The following BTBD8 variants were observed in gnomAD, a reference collection of about 807,000 sequenced individuals.
The protein encoded by BTBD8 is BTB/POZ domain-containing protein 8.
Under a neutral mutation model 162.9 loss-of-function variants are expected in BTBD8, and 110 were observed. The ratio of observed to expected loss-of-function variants is 0.68; its 90% CI spans 0.58 to 0.79. The LOEUF (loss-of-function observed/expected upper bound fraction) is 0.79, where lower values mean the gene tolerates loss of function less well. BTBD8 is among the 30% of genes least tolerant of loss of function. BTBD8 has a pLI of 0.00. For synonymous variants in BTBD8, 667 were observed against 716.1 expected (o/e 0.93, Z 1.10); for missense variants, 1,905 against 2,085.4 (o/e 0.91, Z 1.68).
chr1:92,080,771 C>G, intron 1 of BTBD8, 51 bp downstream of exon 1: 2 of 1,565,794 alleles, frequency 1.3e-6, no homozygotes, highest in Non-Finnish European at 1.7e-6. Flanking sequence ...TCGCCCACCT[C>G]CGCCCCGAAG....
chr1:92,090,603 A>G (rs1648269922), intron 2 of BTBD8, among the ~76,000 whole-genome samples: 2 of 152,176 alleles, frequency 1.3e-5, no homozygotes, highest in African/African-American at 2.4e-5. Flanking sequence ...CACTTTCACG[A>G]TGGTATCATT....
intron 1 of BTBD8, among the ~76,000 whole-genome samples, chr1:92,083,206 G>A (rs17131601): frequency 0.027 from 4,115 of 150,856 alleles, 205 homozygotes; most frequent in African/African-American, 0.095. Context: ...ACTTTCAAAT[G>A]ACTTGCCCAG....
chr1:92,142,579 A>C (rs1325952979), intron 7 of BTBD8, among the ~76,000 whole-genome samples: 8 of 152,224 alleles, frequency 5.3e-5, no homozygotes, highest in African/African-American at 1.9e-4. Flanking sequence ...AGTTATTGTC[A>C]TACAGAGAAA....
At chr1:92,168,115 C>CT in intron 11 of BTBD8, 130 bp downstream of exon 11, 1 of 651,028 alleles carries the variant, frequency 1.5e-6, no homozygotes, top group Non-Finnish European at 2.3e-6. Flanking sequence ...ATTAAGGTCT[C>CT]TACTTTTGTA....
chr1:92,125,551 C>A, intron 4 of BTBD8: 1 of 298,024 alleles, frequency 3.4e-6, no homozygotes, highest in Non-Finnish European at 6.7e-6. Flanking sequence ...TGAAATCTCT[C>A]CTCCTCCACC....
intron 9 of BTBD8, among the ~76,000 whole-genome samples, chr1:92,162,093 A>G (rs1270796116): frequency 6.6e-6 from 1 of 151,968 alleles, no homozygotes; most frequent in Non-Finnish European, 1.5e-5. Flanking sequence ...TGCTCCATTG[A>G]TTGTATATTG....
intron 2 of BTBD8, among the ~76,000 whole-genome samples, chr1:92,093,645 A>G (rs1648374700): frequency 1.3e-5 from 2 of 152,196 alleles, no homozygotes; most frequent in African/African-American, 2.4e-5. Context: ...AAATGGGCAC[A>G]TTAATAATTC....
At position 92,133,696 on chromosome 1, in the gene BTBD8, C is replaced by T. The variant is rs548299722; in HGVS notation, c.752+3920C>T. Among the ~76,000 whole-genome samples, 8 of 152,300 alleles carry T rather than the reference C, an allele frequency of 5.3e-5. No homozygotes were observed. In the East Asian group the frequency reaches 1.5e-3, roughly 29 times the overall value. ...AGCAGAATTCTATAATCTGGCCGGG[C>T]ACAGTGGCTCACGCCTGTAATCCCA... On this transcript the variant is annotated intron_variant, in intron 5 of 17. Coordinates refer to ENST00000636805, the MANE Select transcript of BTBD8 (RefSeq NM_001376131.1).
Position 92,080,584 on chromosome 1 carries a change from G to A in BTBD8, c.13G>A (p.Gly5Arg), listed in dbSNP as rs1296971555. ...ACCTCTGTGAGACATGGCTCGCTGT[G>A]GGGAAGGCAGTGCGGCCCCCATGGT... MARC[G>R]EGSAAPMVLL... The change falls in exon 1 of 18, where the codon GGG becomes AGG. Residue 5 changes from glycine (G) to arginine (R), a missense_variant. This residue lies in a region of BTBD8 where 1,374 missense variants were observed against 1,442.7 expected (regional missense o/e 0.95). Coordinates refer to ENST00000636805, the MANE Select transcript of BTBD8 (RefSeq NM_001376131.1). 10 of 1,614,034 alleles carry A rather than the reference G, an allele frequency of 6.2e-6. No individual in the cohort carries two copies. The highest frequency in any genetic ancestry group is 6.8e-6 in the Non-Finnish European group (8 of 1,179,946).
At chr1:92,095,549 C>A (rs1648427784) in intron 2 of BTBD8, among the ~76,000 whole-genome samples, 1 of 152,184 alleles carries the variant, frequency 6.6e-6, no homozygotes, top group Non-Finnish European at 1.5e-5. Flanking sequence ...CATGAATGTC[C>A]TTGCTTCCTT....
In BTBD8 at chr1:92,178,393, A is replaced by C; in HGVS notation, c.2523A>C (p.Gly841=). Residue 841 remains glycine, a synonymous_variant, in exon 16 of 18, where the codon GGA becomes GGC. Transcript: ENST00000636805. ...AILKKRGTSN[G]CTAAQQRTKS... ...TGAAGAAAAGAGGAACTAGCAATGG[A>C]TGTACTGCAGCTCAGCAGAGGACAA... 6.4e-7 allele frequency: 1 copy of C among 1,551,456 alleles called. No individual in the cohort carries two copies. The highest frequency in any genetic ancestry group is 8.7e-7 in the Non-Finnish European group (1 of 1,146,758).
chr1:92,172,538 A>G (rs928298512), intron 13 of BTBD8, among the ~76,000 whole-genome samples: 3 of 152,236 alleles, frequency 2.0e-5, no homozygotes, highest in African/African-American at 7.2e-5. Context: ...AATTATGGTT[A>G]GGGTTCCTAG....
chr1:92,139,685 T>C (rs1649721318), intron 6 of BTBD8: 2 of 599,074 alleles, frequency 3.3e-6, no homozygotes, highest in Non-Finnish European at 4.5e-6. Flanking sequence ...CTATAAATTA[T>C]GGTTTATAGA....
intron 9 of BTBD8, among the ~76,000 whole-genome samples, chr1:92,155,527 A>G (rs1358507057): frequency 6.6e-6 from 1 of 151,734 alleles, no homozygotes; most frequent in Non-Finnish European, 1.5e-5. Flanking sequence ...GCAACTTTGA[A>G]CTCCTGGTCT....
At chr1:92,141,234 C>A (rs1223854306) in intron 7 of BTBD8, 23 bp downstream of exon 7, 6 of 1,565,526 alleles carry the variant, frequency 3.8e-6, no homozygotes, top group East Asian at 2.3e-5. Flanking sequence ...CCTCAGAAAT[C>A]TTTTATCCAG....
intron 5 of BTBD8, among the ~76,000 whole-genome samples, chr1:92,133,358 A>G (rs560986974): frequency 6.6e-6 from 1 of 152,350 alleles, no homozygotes; most frequent in Admixed American, 6.5e-5. Context: ...AGTGCTCATT[A>G]ATATTGACTG....
chr1:92,122,788 C>A (rs1649252188), intron 4 of BTBD8, among the ~76,000 whole-genome samples: 1 of 152,056 alleles, frequency 6.6e-6, no homozygotes, highest in African/African-American at 2.4e-5. Context: ...TGGTCTTGAA[C>A]TCTTGACCTC....
intron 9 of BTBD8, among the ~76,000 whole-genome samples, chr1:92,162,217 C>G (rs982619459): frequency 6.6e-6 from 1 of 152,200 alleles, no homozygotes; most frequent in Non-Finnish European, 1.5e-5. Context: ...ACAGCACTTT[C>G]CCTCAGCCAC....
intron 7 of BTBD8, among the ~76,000 whole-genome samples, chr1:92,142,732 C>T (rs924215324): frequency 1.2e-4 from 19 of 152,184 alleles, no homozygotes; most frequent in African/African-American, 3.9e-4. Flanking sequence ...TATTGTGCAT[C>T]GTGAGCCACT....
Sources: allele counts gnomAD v4.1 joint callset (sites outside exome capture counted in the v4.1 genomes callset), GRCh38; gene constraint gnomAD v4.1.1; regional missense constraint gnomAD v4.1.1; transcripts MANE v1.5; gene names NCBI Gene and HGNC (gene_info 2026-07-23, HGNC 2026-07-21).